The following STK32B variants were observed in gnomAD, a reference collection of about 807,000 sequenced individuals.
STK32B encodes the protein serine/threonine-protein kinase 32B.
In STK32B, 43 loss-of-function variants were observed where a neutral mutation model predicts 52.6. The ratio of observed to expected loss-of-function variants is 0.82; its 90% confidence interval spans 0.64 to 1.05. The LOEUF is 1.05. Among genes scored for constraint, STK32B ranks in the 50% least tolerant of loss-of-function variants. The probability of loss-of-function intolerance (pLI) is 0.00; values close to 1 mark genes in which losing one functional copy is unlikely to be tolerated. For missense variants in STK32B, 621 were observed against 534.6 expected, an observed-to-expected ratio of 1.16 and a Z score of -1.59; for synonymous variants, 238 against 204.3, an observed-to-expected ratio of 1.17 and a Z score of -1.41.
chr4:5,375,685 C>G (rs539391364), intron 4 of STK32B, among the ~76,000 whole-genome samples: 1 of 152,274 alleles, frequency 6.6e-6, no homozygotes, highest in African/African-American at 2.4e-5. Context: ...TCTGTTTCCT[C>G]TGAGGTCCTT....
At chr4:5,459,864 C>T (rs1274447760) in intron 8 of STK32B, among the ~76,000 whole-genome samples, 1 of 152,186 alleles carries the variant, frequency 6.6e-6, no homozygotes, top group East Asian at 1.9e-4. Context: ...CTGGTCCCTG[C>T]CCTAACAGTC....
At chr4:5,490,591 A>G (rs564273151) in intron 11 of STK32B, among the ~76,000 whole-genome samples, 1 of 152,050 alleles carries the variant, frequency 6.6e-6, no homozygotes, top group African/African-American at 2.4e-5. Context: ...TTTTATTATT[A>G]TACTTTAAGT....
At chr4:5,105,618 T>C (rs902518625) in intron 1 of STK32B, among the ~76,000 whole-genome samples, 17 of 151,930 alleles carry the variant, frequency 1.1e-4, no homozygotes, top group South Asian at 2.1e-4. Flanking sequence ...GGCTGGAGTG[T>C]AGTGGCGGGA....
chr4:5,196,661 C>T (rs1450850273), intron 3 of STK32B, among the ~76,000 whole-genome samples: 1 of 151,708 alleles, frequency 6.6e-6, no homozygotes, highest in Non-Finnish European at 1.5e-5. Context: ...GCGGAGGTTG[C>T]AGTGAGCTGA....
chr4:5,110,953 G>C (rs1714370834), intron 1 of STK32B, among the ~76,000 whole-genome samples: 1 of 150,358 alleles, frequency 6.7e-6, no homozygotes. Flanking sequence ...CTGGGCAAAA[G>C]ACATGAAAAT....
intron 4 of STK32B, among the ~76,000 whole-genome samples, chr4:5,334,883 A>G (rs1287626493): frequency 6.6e-6 from 1 of 151,846 alleles, no homozygotes; most frequent in Non-Finnish European, 1.5e-5. Context: ...GTTTGCCAGT[A>G]TTTTATTGAG....
chr4:5,211,002 C>G (rs908148008), intron 3 of STK32B, among the ~76,000 whole-genome samples: 21 of 151,764 alleles, frequency 1.4e-4, no homozygotes, highest in African/African-American at 5.1e-4. Context: ...ACTAGGTTGC[C>G]TAGGCTGGTC....
At position 5,185,103 on chromosome 4, in the gene STK32B, G is replaced by A. The variant is rs74416165; in HGVS notation, c.260+16653G>A. Reference sequence around the variant, plus strand: ...TGTCTTGCGTTTTTAGCATTAGACTGTTATCCTGATTGAATGTTAATGGGT... The same window carrying A: ...TGTCTTGCGTTTTTAGCATTAGACTATTATCCTGATTGAATGTTAATGGGT... On this transcript the variant is annotated intron_variant, in intron 3 of 11. Coordinates refer to ENST00000282908, the MANE Select transcript of STK32B (RefSeq NM_018401.3). 2.1e-3 allele frequency among the ~76,000 whole-genome samples: 318 copies of A among 152,352 alleles called. 6 individuals are homozygous for A. The East Asian group carries it at 0.051, about 25-fold the overall frequency.
intron 3 of STK32B, among the ~76,000 whole-genome samples, chr4:5,316,789 ATATATTATATATTATATATATTATATAT>A (rs1730869253): frequency 0.017 from 1 of 58 alleles, no homozygotes; most frequent in Non-Finnish European, 0.022. Context: ...TATTATACAT[ATATATTATATATTATATATATTATATAT>A]TATATCATAT....
intron 3 of STK32B, among the ~76,000 whole-genome samples, chr4:5,222,569 G>A (rs1723606289): frequency 6.6e-6 from 1 of 152,190 alleles, no homozygotes; most frequent in Admixed American, 6.5e-5. Context: ...GTTACACAAT[G>A]ACAAAGAACT....
chr4:5,436,531 A>G (rs1714096789), intron 6 of STK32B: 1 of 942,150 alleles, frequency 1.1e-6, no homozygotes, highest in African/African-American at 1.8e-5. Context: ...GTCAGCAGTG[A>G]GAAGGACAGA....
intron 3 of STK32B, among the ~76,000 whole-genome samples, chr4:5,180,152 A>T (rs1336647002): frequency 6.6e-6 from 1 of 151,612 alleles, no homozygotes; most frequent in Non-Finnish European, 1.5e-5. Context: ...TGTCCAGGAG[A>T]CTCCATATGA....
rs140066429 is a variant in STK32B, at chr4:5,072,621, A to G, written c.52+20706A>G. On this transcript the variant is annotated intron_variant, in intron 1 of 11. Transcript: ENST00000282908. ...CCAGTCCCAATTCTGTTTATTTGCA[A>G]TCATTTGGAGTTTATTCAGACTTAT... Among the ~76,000 whole-genome samples, 167 of 152,220 alleles carry G rather than the reference A, an allele frequency of 1.1e-3. 1 individual carries two copies. The highest frequency in any genetic ancestry group is 6.9e-3 in the East Asian group (36 of 5,180).
chr4:5,407,615 G>A (rs891275971), intron 5 of STK32B, among the ~76,000 whole-genome samples: 7 of 152,096 alleles, frequency 4.6e-5, no homozygotes, highest in African/African-American at 1.7e-4. Flanking sequence ...AGGTGAAGGG[G>A]AAGTAAGTAG....
intron 1 of STK32B, among the ~76,000 whole-genome samples, chr4:5,059,940 C>A (rs1347326347): frequency 6.6e-6 from 1 of 152,104 alleles, no homozygotes; most frequent in Non-Finnish European, 1.5e-5. Context: ...GTATACCAAA[C>A]TTTGGGAGAG....
chr4:5,154,676 CT>C (rs1717647993), intron 2 of STK32B, among the ~76,000 whole-genome samples: 1 of 152,206 alleles, frequency 6.6e-6, no homozygotes. Context: ...CACCATCTCT[CT>C]CACACAGCAG....
chr4:5,119,347 T>A (rs753332835), intron 1 of STK32B, among the ~76,000 whole-genome samples: 1 of 152,228 alleles, frequency 6.6e-6, no homozygotes, highest in Non-Finnish European at 1.5e-5. Context: ...AGGAAGGAAC[T>A]AGAGCACCTC....
chr4:5,053,757 C>A (rs979760911), intron 1 of STK32B, among the ~76,000 whole-genome samples: 1 of 151,888 alleles, frequency 6.6e-6, no homozygotes, highest in African/African-American at 2.4e-5. Flanking sequence ...CCGAGGTGGA[C>A]GGATCACCTG....
chr4:5,288,864 T>C (rs1446587310), intron 3 of STK32B, among the ~76,000 whole-genome samples: 2 of 152,242 alleles, frequency 1.3e-5, no homozygotes, highest in Non-Finnish European at 2.9e-5. Context: ...AACAACTATG[T>C]TTTAAAGTTT....
Sources: allele counts gnomAD v4.1 joint callset (sites outside exome capture counted in the v4.1 genomes callset), GRCh38; gene constraint gnomAD v4.1.1; transcripts MANE v1.5; gene names NCBI Gene and HGNC (gene_info 2026-07-23, HGNC 2026-07-21).